Variants in CDH18 observed in about 807,000 individuals in gnomAD.
CDH18 encodes cadherin 18.
CDH18 carries 31 observed loss-of-function variants against 67.9 expected under a neutral mutation model. That is an observed-to-expected ratio of 0.46 (90% CI 0.34 to 0.62). CDH18 has a LOEUF of 0.62. Among genes scored for constraint, CDH18 ranks in the 20% least tolerant of loss-of-function variants. CDH18 has a pLI of 0.01. For synonymous variants in CDH18, 362 were observed against 347.2 expected, an observed-to-expected ratio of 1.04 and a Z score of -0.48; for missense variants, 890 against 975.5, an observed-to-expected ratio of 0.91 and a Z score of 1.17.
chr5:20,261,610 G>A (rs772807955), intron 1 of CDH18, among the ~76,000 whole-genome samples: 1 of 152,012 alleles, frequency 6.6e-6, no homozygotes, highest in Non-Finnish European at 1.5e-5. Flanking sequence ...GCGTGGTGGC[G>A]GGTGCCTGTA....
chr5:20,044,069 C>A (rs936100568), intron 2 of CDH18, among the ~76,000 whole-genome samples: 8 of 151,948 alleles, frequency 5.3e-5, no homozygotes, highest in African/African-American at 1.9e-4. Flanking sequence ...AGGCACTATT[C>A]ATTAATTAGT....
At chr5:20,029,591 G>C (rs1739209139) in intron 2 of CDH18, among the ~76,000 whole-genome samples, 1 of 152,164 alleles carries the variant, frequency 6.6e-6, no homozygotes, top group Non-Finnish European at 1.5e-5. Context: ...AAGATTATGA[G>C]ATTACCTGTG....
chr5:20,419,462 G>GTT (rs202130030), intron 1 of CDH18, among the ~76,000 whole-genome samples: 1,790 of 75,412 alleles, frequency 0.024, 306 homozygotes, highest in Non-Finnish European at 0.036. Context: ...ATGGGACTCT[G>GTT]TTTTTTTTTT....
Position 19,690,085 on chromosome 5 carries a change from A to G in CDH18, c.643+31262T>C, listed in dbSNP as rs576130930. On this transcript the variant is annotated intron_variant, in intron 5 of 12. Coordinates refer to ENST00000382275, the MANE Select transcript of CDH18 (RefSeq NM_004934.5). ...GTATATATTATATATGTGTGTGTGT[A>G]TATATATATATACATATATATAAAC... 1.3e-3 allele frequency among the ~76,000 whole-genome samples: 118 copies of G among 92,954 alleles called. 1 individual carries two copies. Among genetic ancestry groups the G allele is most frequent in the Non-Finnish European group, 2.8e-3 (100 of 35,370 alleles). 61.0% of individuals were successfully genotyped at this position (92,954 alleles called of 152,430 possible).
chr5:19,980,978 A>C (rs1289557047), intron 2 of CDH18, 82 bp downstream of exon 2: 1 of 152,164 alleles, frequency 6.6e-6, no homozygotes, highest in Non-Finnish European at 1.5e-5. Context: ...ATCCTTTCAC[A>C]TCACTTTCCC....
At chr5:19,521,090 GA>G (rs1746828880) in intron 9 of CDH18, among the ~76,000 whole-genome samples, 1 of 152,074 alleles carries the variant, frequency 6.6e-6, no homozygotes. Flanking sequence ...TCTACAGGAT[GA>G]ACAATTGGTT....
chr5:19,548,357 G>A (rs1406693906), intron 8 of CDH18, among the ~76,000 whole-genome samples: 2 of 151,780 alleles, frequency 1.3e-5, no homozygotes, highest in African/African-American at 4.8e-5. Context: ...AGAATAAATT[G>A]AGGCTAGAAG....
At chr5:20,232,171 A>G (rs1028900993) in intron 2 of CDH18, among the ~76,000 whole-genome samples, 1 of 147,060 alleles carries the variant, frequency 6.8e-6, no homozygotes, top group Middle Eastern at 3.3e-3. Context: ...GTTTCTATTT[A>G]TTTTTTTTTT....
chr5:20,285,992 T>C (rs2126717780), intron 1 of CDH18, among the ~76,000 whole-genome samples: 1 of 151,780 alleles, frequency 6.6e-6, no homozygotes, highest in East Asian at 1.9e-4. Flanking sequence ...CAGCAACATA[T>C]TTTCTTTTAA....
intron 1 of CDH18, among the ~76,000 whole-genome samples, chr5:20,503,066 T>A (rs1272005088): frequency 6.6e-6 from 1 of 152,162 alleles, no homozygotes; most frequent in African/African-American, 2.4e-5. Flanking sequence ...GTTAATGTAG[T>A]GCTGCAAATA....
intron 1 of CDH18, among the ~76,000 whole-genome samples, chr5:20,377,336 T>A (rs1743539981): frequency 6.6e-6 from 1 of 152,198 alleles, no homozygotes. Flanking sequence ...TGAGTATAAA[T>A]CTCATTTCCA....
chr5:19,473,699 T>G lies in CDH18; in HGVS notation c.1900A>C (p.Ile634Leu), dbSNP rs375795706. The change falls in exon 13 of 13, where the codon ATC becomes CTC. Residue 634 changes from isoleucine to leucine, a missense_variant. By Grantham distance (5) the Ile-to-Leu change is conservative. Coordinates refer to ENST00000382275, the MANE Select transcript of CDH18 (RefSeq NM_004934.5). Reference sequence around the variant, plus strand: ...TCTTTTTTGCTGCGCCTCAGGGTGATAAAAAGTACCACAATTGCTGAGGAA... The same window carrying G: ...TCTTTTTTGCTGCGCCTCAGGGTGAGAAAAAGTACCACAATTGCTGAGGAA... The part of the protein sequence containing the change: ...LILLAIVVLF[I>L]TLRRSKKEPL... 3 of 1,601,274 alleles carry G rather than the reference T, an allele frequency of 1.9e-6. No individual in the cohort carries two copies. In the African/African-American group the frequency reaches 4.0e-5, roughly 22 times the overall value.
At chr5:19,702,675 C>T (rs910387991) in intron 5 of CDH18, among the ~76,000 whole-genome samples, 15 of 152,046 alleles carry the variant, frequency 9.9e-5, no homozygotes, top group South Asian at 4.2e-4. Context: ...GGCTGACTCA[C>T]GAGAATCACT....
chr5:19,775,393 T>C (rs144700869), intron 3 of CDH18, among the ~76,000 whole-genome samples: 3 of 152,110 alleles, frequency 2.0e-5, no homozygotes, highest in Non-Finnish European at 4.4e-5. Context: ...ACAGGAAGCA[T>C]AGAGGAATCT....
intron 5 of CDH18, among the ~76,000 whole-genome samples, chr5:19,703,950 C>A (rs963746197): frequency 6.6e-6 from 1 of 152,016 alleles, no homozygotes; most frequent in South Asian, 2.1e-4. Flanking sequence ...AGTGCAAGTA[C>A]AAACAGGAGT....
chr5:20,461,433 A>G (rs1206690574), intron 1 of CDH18, among the ~76,000 whole-genome samples: 3 of 152,178 alleles, frequency 2.0e-5, no homozygotes, highest in Admixed American at 2.0e-4. Flanking sequence ...TGAGGGGAAT[A>G]TTCTCTAGAA....
chr5:20,242,620 A>ATATACATG (rs1743043707), intron 2 of CDH18, among the ~76,000 whole-genome samples: 1 of 68,880 alleles, frequency 1.5e-5, no homozygotes, highest in African/African-American at 6.5e-5. Context: ...AAATATATAT[A>ATATACATG]TATATATATA....
chr5:20,150,676 A>T (rs1428256648), intron 2 of CDH18, among the ~76,000 whole-genome samples: 1 of 151,846 alleles, frequency 6.6e-6, no homozygotes, highest in Non-Finnish European at 1.5e-5. Context: ...GTATATTGAA[A>T]ATGTTTATGT....
intron 2 of CDH18, among the ~76,000 whole-genome samples, chr5:19,972,358 T>G (rs115374967): frequency 0.015 from 2,265 of 152,168 alleles, 27 homozygotes; most frequent in Middle Eastern, 0.024. Flanking sequence ...TCAAAATTAC[T>G]AAGTCTATAA....
Sources: allele counts gnomAD v4.1 joint callset (sites outside exome capture counted in the v4.1 genomes callset), GRCh38; gene constraint gnomAD v4.1.1; transcripts MANE v1.5; gene names NCBI Gene and HGNC (gene_info 2026-07-23, HGNC 2026-07-21).